The following EPB41L4A variants were observed in gnomAD, a reference collection of about 807,000 sequenced individuals.
EPB41L4A encodes the protein erythrocyte membrane protein band 4.1 like 4A, also known as band 4.1-like protein 4A.
A neutral mutation model predicts 108.6 loss-of-function variants in EPB41L4A; 100 were observed. The ratio of observed to expected loss-of-function variants is 0.92; its 90% CI spans 0.78 to 1.09. The LOEUF (loss-of-function observed/expected upper bound fraction) is 1.09. EPB41L4A is among the 50% of genes least tolerant of loss of function. The probability of loss-of-function intolerance (pLI) is 0.00; values close to 1 mark genes in which losing one functional copy is unlikely to be tolerated. For missense variants in EPB41L4A, 1,030 were observed against 842.7 expected (o/e 1.22, Z -2.75); for synonymous variants, 319 against 289.0 (o/e 1.10, Z -1.05).
At chr5:112,166,582 C>CCTTCCTT (rs34613623) in intron 22 of EPB41L4A, among the ~76,000 whole-genome samples, 2 of 151,696 alleles carry the variant, frequency 1.3e-5, no homozygotes, top group African/African-American at 4.8e-5. Flanking sequence ...TCTGAGATGG[C>CCTTCCTT]CTCTGACCAC....
chr5:112,311,037 G>T (rs1018548197), intron 1 of EPB41L4A, among the ~76,000 whole-genome samples: 1 of 151,964 alleles, frequency 6.6e-6, no homozygotes, highest in African/African-American at 2.4e-5. Context: ...CCTGAGACAG[G>T]GTCTCACTCT....
intron 12 of EPB41L4A, among the ~76,000 whole-genome samples, chr5:112,147,923 C>T (rs113954230): frequency 0.056 from 8,555 of 151,626 alleles, 348 homozygotes; most frequent in Non-Finnish European, 0.087. Context: ...ACTTTAGTCC[C>T]AGCTACTTGG....
downstream of EPB41L4A, chr5:112,161,922 T>C (rs1580342466): frequency 1.8e-5 from 3 of 167,600 alleles, no homozygotes; most frequent in South Asian, 4.1e-4. Flanking sequence ...ATAAATGGGA[T>C]AGCCTCCACA....
chr5:112,201,402 A>T (rs1762212472), intron 15 of EPB41L4A, among the ~76,000 whole-genome samples: 1 of 152,182 alleles, frequency 6.6e-6, no homozygotes, highest in African/African-American at 2.4e-5. Context: ...CTCAGTGTAG[A>T]AGTCAAGTCT....
intron 6 of EPB41L4A, chr5:112,263,337 A>AT (rs1483455895): frequency 6.6e-6 from 1 of 152,142 alleles, no homozygotes; most frequent in Non-Finnish European, 1.5e-5. Context: ...GCAGTGACAT[A>AT]TTTCATTTCA....
intron 12 of EPB41L4A, among the ~76,000 whole-genome samples, chr5:112,222,444 A>T (rs2150339406): frequency 6.6e-6 from 1 of 152,242 alleles, no homozygotes; most frequent in Admixed American, 6.5e-5. Flanking sequence ...CATCTTTCTC[A>T]TGGGGATACT....
chr5:112,358,462 C>T (rs893749552), intron 1 of EPB41L4A, among the ~76,000 whole-genome samples: 13 of 152,080 alleles, frequency 8.5e-5, no homozygotes, highest in African/African-American at 3.1e-4. Context: ...TGATACGTAC[C>T]CATGGTTGAT....
chr5:112,153,705 A>T (rs998654038), intron 12 of EPB41L4A, among the ~76,000 whole-genome samples: 2 of 151,542 alleles, frequency 1.3e-5, no homozygotes, highest in African/African-American at 4.8e-5. Flanking sequence ...ATCAGTAAGG[A>T]TATAGAAGAT....
At chr5:112,211,441 G>A (rs1281406030) in intron 12 of EPB41L4A, among the ~76,000 whole-genome samples, 7 of 152,272 alleles carry the variant, frequency 4.6e-5, no homozygotes, top group Admixed American at 3.3e-4. Context: ...AATTAGCTGG[G>A]CATGGTGGCG....
At position 112,351,331 on chromosome 5, in the gene EPB41L4A, T is replaced by C. The variant is rs566792165; in HGVS notation, c.100-43841A>G. On this transcript the variant is annotated intron_variant, in intron 1 of 22. Transcript: ENST00000261486. Reference sequence around the variant, plus strand: ...AAATACAAAGATCATCAGAGACTATTATGAACAATAATAAGCTAACAAACT... The same window carrying C: ...AAATACAAAGATCATCAGAGACTATCATGAACAATAATAAGCTAACAAACT... Among the ~76,000 whole-genome samples, 19 of 152,254 alleles carry C rather than the reference T, an allele frequency of 1.2e-4. 1 individual carries two copies. The highest frequency in any genetic ancestry group is 6.2e-4 in the South Asian group (3 of 4,816).
At chr5:112,314,163 G>C (rs1755255139) in intron 1 of EPB41L4A, among the ~76,000 whole-genome samples, 1 of 151,820 alleles carries the variant, frequency 6.6e-6, no homozygotes, top group Non-Finnish European at 1.5e-5. Flanking sequence ...TGGCCACCGT[G>C]TAACTTTCTA....
Position 112,274,266 on chromosome 5 carries a change from C to T in EPB41L4A, c.335+1060G>A, listed in dbSNP as rs139611431. ...CTACACTCTAGCCTGTGTGACAGAG[C>T]GAGACCCTGTGTCTTAAAAAATTAA... On this transcript the variant is annotated intron_variant, in intron 4 of 22. Transcript: ENST00000261486. Among the ~76,000 whole-genome samples the T allele has an allele frequency of 5.1e-3, 773 of 152,072 alleles. 8 individuals carry two copies. Among genetic ancestry groups the T allele is most frequent in the African/African-American group, 0.016 (683 of 41,490 alleles).
At chr5:112,323,466 G>A (rs1044506301) in intron 1 of EPB41L4A, among the ~76,000 whole-genome samples, 3 of 152,160 alleles carry the variant, frequency 2.0e-5, no homozygotes, top group Admixed American at 2.0e-4. Flanking sequence ...TCTGACCCAA[G>A]AAGATGAAGT....
At chr5:112,285,215 A>G (rs1253327936) in intron 2 of EPB41L4A, among the ~76,000 whole-genome samples, 2 of 152,186 alleles carry the variant, frequency 1.3e-5, no homozygotes, top group Non-Finnish European at 2.9e-5. Flanking sequence ...AGTTTCCTGT[A>G]GGCCAAATAA....
chr5:112,303,206 T>G (rs1754480668), intron 2 of EPB41L4A, among the ~76,000 whole-genome samples: 1 of 152,114 alleles, frequency 6.6e-6, no homozygotes, highest in African/African-American at 2.4e-5. Context: ...ATGTGAAACT[T>G]TACACGTTAC....
chr5:112,355,424 C>T (rs1181256332), intron 1 of EPB41L4A, among the ~76,000 whole-genome samples: 1 of 152,128 alleles, frequency 6.6e-6, no homozygotes, highest in Non-Finnish European at 1.5e-5. Flanking sequence ...CACCTATAAC[C>T]TCCTTTCCAC....
intron 1 of EPB41L4A, among the ~76,000 whole-genome samples, chr5:112,385,768 C>T (rs905276395): frequency 2.0e-5 from 3 of 152,092 alleles, no homozygotes; most frequent in African/African-American, 4.8e-5. Flanking sequence ...TTTTTACATG[C>T]GTATTTGTAC....
At chr5:112,158,665 G>C (rs1759734308), downstream of EPB41L4A, among the ~76,000 whole-genome samples, 1 of 152,146 alleles carries the variant, frequency 6.6e-6, no homozygotes, top group South Asian at 2.1e-4. Flanking sequence ...TAGCGGAAGG[G>C]GAAGCAAACA....
At chr5:112,280,471 A>G (rs1323531518) in intron 2 of EPB41L4A, 148 bp from the exon 3 acceptor site, 2 of 708,268 alleles carry the variant, frequency 2.8e-6, no homozygotes, top group Non-Finnish European at 2.5e-6. Context: ...AACATACATA[A>G]GAGTTTTCTG....
Sources: allele counts gnomAD v4.1 joint callset (sites outside exome capture counted in the v4.1 genomes callset), GRCh38; gene constraint gnomAD v4.1.1; transcripts MANE v1.5; gene names NCBI Gene and HGNC (gene_info 2026-07-23, HGNC 2026-07-21).